The following SPECC1 variants were observed in gnomAD, a reference collection of about 807,000 sequenced individuals.
The protein encoded by SPECC1 is sperm antigen with calponin homology and coiled-coil domains 1, also known as cytospin-B.
SPECC1 carries 62 observed loss-of-function variants against 104.1 expected under a neutral mutation model. The ratio of observed to expected loss-of-function variants is 0.60; its 90% CI spans 0.49 to 0.74. The LOEUF is 0.74. Ranked by LOEUF, SPECC1 falls within the 30% of genes least tolerant of loss-of-function variation. The probability of loss-of-function intolerance (pLI) is 0.00; values close to 1 mark genes in which losing one functional copy is unlikely to be tolerated. For missense variants in SPECC1, 1,306 were observed against 1,310.5 expected, an observed-to-expected ratio of 1.00 and a Z score of 0.05; for synonymous variants, 513 against 501.6, an observed-to-expected ratio of 1.02 and a Z score of -0.30.
chr17:20,287,104 C>T (rs1174953387), intron 12 of SPECC1, among the ~76,000 whole-genome samples: 1 of 152,184 alleles, frequency 6.6e-6, no homozygotes, highest in South Asian at 2.1e-4. Flanking sequence ...ACGTGGTCTG[C>T]AAGGGAACAG....
intron 1 of SPECC1, among the ~76,000 whole-genome samples, chr17:20,029,830 G>A (rs950801076): frequency 6.6e-6 from 1 of 151,942 alleles, no homozygotes; most frequent in Non-Finnish European, 1.5e-5. Context: ...TGTTAACTTG[G>A]TTGATCTTTT....
rs186091082 is a variant in SPECC1 at position 20,080,458 on chromosome 17, G to A, written c.-21-16173G>A. ...AGAGGGTCCCTCTGAGACAGACTGC[G>A]GGAGCCACATCTGGTTGCTACAGTA... On this transcript the variant is annotated intron_variant, in intron 1 of 14. Transcript: ENST00000395527. Among the ~76,000 whole-genome samples, 9 of 152,214 alleles carry A rather than the reference G, an allele frequency of 5.9e-5. No homozygotes were observed. In the East Asian group the frequency reaches 1.2e-3, roughly 20 times the overall value.
rs1477326486 is a variant in SPECC1, at chr17:20,257,451, A to G, written c.2681A>G (p.Asp894Gly). 4 of 1,565,932 alleles carry G rather than the reference A, an allele frequency of 2.6e-6. No homozygotes were observed. In the Admixed American group the frequency reaches 8.8e-5, roughly 34 times the overall value. The change falls in exon 11 of 15, where the codon GAT becomes GGT. Residue 894 changes from aspartate to glycine, a missense_variant and splice_region_variant. By Grantham distance (94) the Asp-to-Gly change is moderately conservative. Coordinates refer to ENST00000395527, the MANE Select transcript of SPECC1 (RefSeq NM_001243439.2). ...AGTGATTATGTGGTTGTTCCCACAG[A>G]TATTCTAAAGGGAAGGACTGAGACC... Reference protein sequence around the residue: ...RLDLPDLPLSDILKGRTETLK... With the variant: ...RLDLPDLPLSGILKGRTETLK...
At chr17:20,143,112 G>A (rs1368583729) in intron 3 of SPECC1, among the ~76,000 whole-genome samples, 1 of 150,180 alleles carries the variant, frequency 6.7e-6, no homozygotes, top group African/African-American at 2.5e-5. Context: ...GAAAGTTAAA[G>A]TACTATCTGA....
At chr17:20,107,144 CA>C (rs531912350) in intron 2 of SPECC1, among the ~76,000 whole-genome samples, 263 of 68,158 alleles carry the variant, frequency 3.9e-3, no homozygotes, top group African/African-American at 0.011. Context: ...ACTCGTGTCT[CA>C]AAAAAAAAAA....
At chr17:20,176,409 G>A (rs563024677) in intron 3 of SPECC1, among the ~76,000 whole-genome samples, 2 of 152,056 alleles carry the variant, frequency 1.3e-5, no homozygotes, top group African/African-American at 2.4e-5. Flanking sequence ...CCCTACTTCC[G>A]TGTCCCTCTC....
chr17:20,011,874 C>T (rs2043956171), intron 1 of SPECC1, among the ~76,000 whole-genome samples: 1 of 151,974 alleles, frequency 6.6e-6, no homozygotes, highest in Non-Finnish European at 1.5e-5. Flanking sequence ...GCTTTATCTA[C>T]CTGTTTACCA....
chr17:20,112,633 C>T, intron 3 of SPECC1: 1 of 883,596 alleles, frequency 1.1e-6, no homozygotes, highest in Admixed American at 1.7e-5. Flanking sequence ...CAGTGCTTGA[C>T]TGTGCAAATC....
intron 3 of SPECC1, among the ~76,000 whole-genome samples, chr17:20,123,190 T>A (rs1361517723): frequency 6.6e-6 from 1 of 152,224 alleles, no homozygotes; most frequent in Non-Finnish European, 1.5e-5. Context: ...TAAAACATTT[T>A]TAAAACCACG....
chr17:20,059,460 C>T (rs1029843120), intron 1 of SPECC1, among the ~76,000 whole-genome samples: 5 of 152,100 alleles, frequency 3.3e-5, no homozygotes, highest in Non-Finnish European at 5.9e-5. Context: ...CTGTGTGGCC[C>T]GGTTCCTAAC....
intron 12 of SPECC1, among the ~76,000 whole-genome samples, chr17:20,263,471 A>G (rs891647815): frequency 6.6e-6 from 1 of 151,620 alleles, no homozygotes; most frequent in Non-Finnish European, 1.5e-5. Context: ...ATACATATGT[A>G]ACAAACCTGC....
chr17:20,192,826 T>A (rs1171628043), intron 3 of SPECC1, among the ~76,000 whole-genome samples: 1 of 152,218 alleles, frequency 6.6e-6, no homozygotes, highest in Non-Finnish European at 1.5e-5. Context: ...GTTATCTGTC[T>A]TATACAGCTT....
At chr17:20,064,803 G>A (rs982283330) in intron 1 of SPECC1, among the ~76,000 whole-genome samples, 2 of 152,200 alleles carry the variant, frequency 1.3e-5, no homozygotes, top group African/African-American at 4.8e-5. Flanking sequence ...TATAGCTCAT[G>A]AGAAGGCCAA....
intron 3 of SPECC1, among the ~76,000 whole-genome samples, chr17:20,191,460 T>A (rs1213153159): frequency 6.6e-6 from 1 of 151,178 alleles, no homozygotes; most frequent in African/African-American, 2.4e-5. Flanking sequence ...AATTTGAAAT[T>A]GCCTACGGAT....
At chr17:20,301,788 C>A (rs554404572) in intron 13 of SPECC1, among the ~76,000 whole-genome samples, 2 of 152,130 alleles carry the variant, frequency 1.3e-5, no homozygotes, top group East Asian at 3.9e-4. Context: ...TCACTGCAAC[C>A]TCCGCCTCCC....
Position 20,245,857 on chromosome 17 carries a change from CCT to C in SPECC1, c.2352-66_2352-65del, listed in dbSNP as rs917017452. ...ATTTTCTCCACATCAGTTCTGTTTTCCTCTGTGTCTTTTTCTCCCATGGGGAT... is the reference window on the plus strand; with the variant it reads ...ATTTTCTCCACATCAGTTCTGTTTTCCTGTGTCTTTTTCTCCCATGGGGAT... On this transcript the variant is annotated intron_variant, in intron 7 of 14. Transcript: ENST00000395527. The C allele has an allele frequency of 2.5e-6, 4 of 1,570,704 alleles. No individual in the cohort carries two copies. The African/African-American group carries it at 5.4e-5, about 21-fold the overall frequency.
At chr17:20,301,948 C>T (rs145842286) in intron 13 of SPECC1, among the ~76,000 whole-genome samples, 3,358 of 152,258 alleles carry the variant, frequency 0.022, 46 homozygotes, top group Non-Finnish European at 0.033. Flanking sequence ...TTAGGTGATC[C>T]ACCCGCTTGG....
At chr17:20,052,151 T>G (rs566807530) in intron 1 of SPECC1, among the ~76,000 whole-genome samples, 1 of 152,352 alleles carries the variant, frequency 6.6e-6, no homozygotes, top group Non-Finnish European at 1.5e-5. Context: ...GTTTCTCCAT[T>G]ATTTCATTAG....
intron 3 of SPECC1, among the ~76,000 whole-genome samples, chr17:20,111,554 G>C (rs1419313709): frequency 6.6e-6 from 1 of 152,130 alleles, no homozygotes; most frequent in African/African-American, 2.4e-5. Context: ...TATCAAGCCA[G>C]CCTAACAGTG....
Sources: allele counts gnomAD v4.1 joint callset (sites outside exome capture counted in the v4.1 genomes callset), GRCh38; gene constraint gnomAD v4.1.1; transcripts MANE v1.5; gene names NCBI Gene and HGNC (gene_info 2026-07-23, HGNC 2026-07-21).